The following PDLIM5 variants were observed in gnomAD, a reference collection of about 807,000 sequenced individuals.
PDLIM5 encodes PDZ and LIM domain protein 5.
Under a neutral mutation model 64.2 loss-of-function variants are expected in PDLIM5, and 34 were observed. The observed-to-expected ratio is 0.53, with a 90% CI of 0.40 to 0.71. PDLIM5 has a LOEUF of 0.71. PDLIM5 is among the 30% of genes least tolerant of loss of function. The pLI is 0.00. For synonymous variants in PDLIM5, 253 were observed against 269.1 expected, an observed-to-expected ratio of 0.94 and a Z score of 0.59; for missense variants, 683 against 733.6, an observed-to-expected ratio of 0.93 and a Z score of 0.80.
At chr4:94,455,919 T>C in intron 2 of PDLIM5, 1 of 1,462,272 alleles carries the variant, frequency 6.8e-7, no homozygotes. Flanking sequence ...AGATAGCCTA[T>C]GAATAATTGA....
chr4:94,601,021 A>G (rs17021894), intron 7 of PDLIM5, among the ~76,000 whole-genome samples: 5,862 of 152,304 alleles, frequency 0.038, 378 homozygotes, highest in African/African-American at 0.13. Flanking sequence ...TTATAAAGCC[A>G]TAGTTTGAAA....
rs965966723 is a variant in PDLIM5, at chr4:94,610,409, A to G, written c.921-7595A>G. On this transcript the variant is annotated intron_variant, in intron 7 of 12. Transcript: ENST00000317968. ...GCCCCTTTGAAGCAATCATAGCTCT[A>G]TTGTGAGCTCTTAATTGTGTAGTGC... 7.0e-6 allele frequency: 4 copies of G among 572,942 alleles called. No homozygotes were observed. In the South Asian group the frequency reaches 1.0e-4, roughly 15 times the overall value. 35.5% of individuals were successfully genotyped at this position (572,942 alleles called of 1,614,324 possible).
Position 94,651,117 on chromosome 4 carries a change from T to C in PDLIM5, c.1284-3343T>C, listed in dbSNP as rs148242918. ...TCCTGTGTTAATGAATTTGTTAAAT[T>C]AGTCTTTGCTGACACAGAGAAGAAA... On this transcript the variant is annotated intron_variant, in intron 9 of 12. Transcript: ENST00000317968. Among the ~76,000 whole-genome samples the C allele has an allele frequency of 2.0e-5, 3 of 152,346 alleles. No individual in the cohort carries two copies. In the East Asian group the frequency reaches 5.8e-4, roughly 29 times the overall value.
chr4:94,570,244 A>C (rs1243380259), intron 3 of PDLIM5, among the ~76,000 whole-genome samples: 2 of 152,200 alleles, frequency 1.3e-5, no homozygotes, highest in Non-Finnish European at 2.9e-5. Context: ...ACTGGTACTC[A>C]CATGGGCTAA....
chr4:94,650,727 T>G (rs1481949293), intron 9 of PDLIM5, among the ~76,000 whole-genome samples: 1 of 152,256 alleles, frequency 6.6e-6, no homozygotes, highest in African/African-American at 2.4e-5. Flanking sequence ...TGTTGAAATC[T>G]GAGTTCCTTT....
intron 7 of PDLIM5, among the ~76,000 whole-genome samples, chr4:94,588,942 T>C (rs546959041): frequency 6.6e-6 from 1 of 152,352 alleles, no homozygotes; most frequent in South Asian, 2.1e-4. Flanking sequence ...CCTCATGATA[T>C]ATAAGACATC....
chr4:94,525,978 C>T (rs1446457421), intron 3 of PDLIM5, among the ~76,000 whole-genome samples: 2 of 152,026 alleles, frequency 1.3e-5, no homozygotes, highest in South Asian at 4.1e-4. Flanking sequence ...TTTTAATTTA[C>T]CAAGTATGAA....
At chr4:94,585,166 C>T (rs1230680653) in intron 5 of PDLIM5, among the ~76,000 whole-genome samples, 1 of 152,174 alleles carries the variant, frequency 6.6e-6, no homozygotes, top group Non-Finnish European at 1.5e-5. Context: ...TCTTGGCTCA[C>T]TGCAACCTCC....
intron 3 of PDLIM5, among the ~76,000 whole-genome samples, chr4:94,530,841 A>G (rs1473055442): frequency 2.0e-5 from 3 of 152,208 alleles, no homozygotes; most frequent in Admixed American, 2.0e-4. Flanking sequence ...GAAAAGAAGA[A>G]GTAGCTGTTG....
intron 3 of PDLIM5, among the ~76,000 whole-genome samples, chr4:94,568,823 C>A (rs1480514198): frequency 6.6e-6 from 1 of 152,038 alleles, no homozygotes; most frequent in East Asian, 1.9e-4. Flanking sequence ...ATGTCATATA[C>A]TAATATTTTA....
At chr4:94,517,282 C>A (rs899378592) in intron 2 of PDLIM5, among the ~76,000 whole-genome samples, 1 of 151,988 alleles carries the variant, frequency 6.6e-6, no homozygotes, top group African/African-American at 2.4e-5. Context: ...GGGGTGGTGA[C>A]GCAAAAAGTC....
At chr4:94,591,376 G>GTCCCCAAGTT (rs1736661665) in intron 7 of PDLIM5, among the ~76,000 whole-genome samples, 1 of 152,154 alleles carries the variant, frequency 6.6e-6, no homozygotes, top group Non-Finnish European at 1.5e-5. Context: ...ATTACTTTCT[G>GTCCCCAAGTT]TCCCCAAGTT....
chr4:94,499,427 T>C (rs1727702415), intron 2 of PDLIM5, among the ~76,000 whole-genome samples: 1 of 152,162 alleles, frequency 6.6e-6, no homozygotes, highest in African/African-American at 2.4e-5. Flanking sequence ...TATATTAGTC[T>C]TCTATATTTG....
At chr4:94,645,993 A>T (rs902671969) in intron 9 of PDLIM5, among the ~76,000 whole-genome samples, 26 of 152,194 alleles carry the variant, frequency 1.7e-4, no homozygotes, top group Admixed American at 1.7e-3. Flanking sequence ...TGTACAGCAT[A>T]TATGTATTCT....
Position 94,618,040 on chromosome 4 carries a change from G to A in PDLIM5, c.957G>A (p.Ser319=), listed in dbSNP as rs757374725. Reference sequence around the variant, plus strand: ...AGCCTTCTCCGCAGTTGGCTTCCTCGGTAGCTTCCACACGGAGCATGCCCG... The same window carrying A: ...AGCCTTCTCCGCAGTTGGCTTCCTCAGTAGCTTCCACACGGAGCATGCCCG... ...SQEPSPQLAS[S]VASTRSMPES... The change falls in exon 8 of 13, where the codon TCG becomes TCA. Residue 319 remains serine (S), a synonymous_variant. Transcript: ENST00000317968. 3.5e-5 allele frequency: 56 copies of A among 1,592,730 alleles called. No individual in the cohort carries two copies. Among genetic ancestry groups the A allele is most frequent in the Non-Finnish European group, 4.4e-5 (51 of 1,170,162 alleles).
Position 94,573,370 on chromosome 4 carries a change from C to T in PDLIM5, c.268C>T (p.Pro90Ser), listed in dbSNP as rs898744312. 1.2e-6 allele frequency: 2 copies of T among 1,612,630 alleles called. No individual in the cohort carries two copies. Among genetic ancestry groups the T allele is most frequent in the East Asian group, 4.5e-5 (2 of 44,836 alleles). The change falls in exon 4 of 13, where the codon CCT becomes TCT. Residue 90 changes from proline to serine, a missense_variant. By Grantham distance (74) the Pro-to-Ser change is moderately conservative. Coordinates refer to ENST00000317968, the MANE Select transcript of PDLIM5 (RefSeq NM_006457.5). Reference sequence around the variant, plus strand: ...CCTCAGAGCATCTGCTGCACCCAAGCCTGAGCCGGTTCCTGTTCAAAAGGT... The same window carrying T: ...CCTCAGAGCATCTGCTGCACCCAAGTCTGAGCCGGTTCCTGTTCAAAAGGT... ...TLQRASAAPK[P>S]EPVPVQKGEP...
At chr4:94,482,000 C>T (rs928617138) in intron 2 of PDLIM5, among the ~76,000 whole-genome samples, 3 of 151,958 alleles carry the variant, frequency 2.0e-5, no homozygotes, top group South Asian at 2.1e-4. Context: ...AAATTTGGTA[C>T]CAATTTACAG....
intron 8 of PDLIM5, among the ~76,000 whole-genome samples, chr4:94,622,621 CCT>C (rs1739325873): frequency 6.6e-6 from 1 of 151,210 alleles, no homozygotes; most frequent in African/African-American, 2.4e-5. Flanking sequence ...GAGCCTTTTC[CCT>C]CTCTCCCTCC....
chr4:94,586,724 G>A (rs137896414), intron 7 of PDLIM5, among the ~76,000 whole-genome samples: 1 of 152,156 alleles, frequency 6.6e-6, no homozygotes, highest in African/African-American at 2.4e-5. Context: ...ACATATGTCT[G>A]TGAATGAGCT....
Sources: allele counts gnomAD v4.1 joint callset (sites outside exome capture counted in the v4.1 genomes callset), GRCh38; gene constraint gnomAD v4.1.1; transcripts MANE v1.5; gene names NCBI Gene and HGNC (gene_info 2026-07-23, HGNC 2026-07-21).